The following SLC39A9 variants were observed in gnomAD, a reference collection of about 807,000 sequenced individuals.
SLC39A9 encodes the protein solute carrier family 39 member 9.
Under a neutral mutation model 28.4 loss-of-function variants are expected in SLC39A9, and 14 were observed. The observed-to-expected ratio is 0.49, with a 90% CI of 0.33 to 0.77. The LOEUF (loss-of-function observed/expected upper bound fraction) is 0.77, where lower values mean the gene tolerates loss of function less well. SLC39A9 is among the 30% of genes least tolerant of loss of function. The pLI, the probability that SLC39A9 is intolerant of heterozygous loss-of-function variation, is 0.02. For missense variants in SLC39A9, 283 were observed against 381.1 expected (o/e 0.74, Z 2.14); for synonymous variants, 119 against 149.6 (o/e 0.80, Z 1.49).
intron 3 of SLC39A9, among the ~76,000 whole-genome samples, chr14:69,444,436 G>A (rs547313233): frequency 6.6e-6 from 1 of 152,176 alleles, no homozygotes; most frequent in South Asian, 2.1e-4. Flanking sequence ...AATTTCACTT[G>A]AATACAAGTC....
At chr14:69,442,287 C>T in intron 3 of SLC39A9, 21 bp downstream of exon 3, 1 of 1,606,674 alleles carries the variant, frequency 6.2e-7, no homozygotes, top group Non-Finnish European at 8.5e-7. Context: ...CCAAGGCTTT[C>T]TGGGCAGTGC....
chr14:69,428,598 A>C (rs1053783785), intron 2 of SLC39A9: 4 of 152,662 alleles, frequency 2.6e-5, no homozygotes, highest in African/African-American at 9.7e-5. Context: ...GCTGCAGACA[A>C]GAGCAGAACT....
At chr14:69,414,876 C>T (rs188687783) in intron 1 of SLC39A9, among the ~76,000 whole-genome samples, 230 of 152,266 alleles carry the variant, frequency 1.5e-3, no homozygotes, top group African/African-American at 5.3e-3. Context: ...TGTTTTTAAA[C>T]TTCATATACA....
At chr14:69,436,485 A>T (rs1277761223) in intron 2 of SLC39A9, among the ~76,000 whole-genome samples, 1 of 152,146 alleles carries the variant, frequency 6.6e-6, no homozygotes, top group Non-Finnish European at 1.5e-5. Flanking sequence ...AAATCTCTGG[A>T]GAATGTTTAT....
In SLC39A9 at chr14:69,458,849, A is replaced by T. The variant is rs1283614617; in HGVS notation, c.*256A>T. The T allele has an allele frequency of 8.2e-7, 1 of 1,226,728 alleles. No homozygotes were observed. The highest frequency in any genetic ancestry group is 1.0e-6 in the Non-Finnish European group (1 of 981,086). The allele number at this position is 1,226,728 out of a possible 1,614,324, so 76.0% of individuals were successfully genotyped here. A position where few individuals can be genotyped will look rare whatever the true frequency, so the allele number is the denominator to read the frequency against. On this transcript the variant is annotated 3_prime_UTR_variant, in exon 7 of 7. Transcript: ENST00000336643. Reference sequence around the variant, plus strand: ...AAGGCCCTTGACATTTTGCGTTTTAATATTTCTCTTAACCCTATTCTCAGG... The same window carrying T: ...AAGGCCCTTGACATTTTGCGTTTTATTATTTCTCTTAACCCTATTCTCAGG...
intron 1 of SLC39A9, among the ~76,000 whole-genome samples, chr14:69,415,522 C>T (rs1883521129): frequency 6.6e-6 from 1 of 151,994 alleles, no homozygotes; most frequent in South Asian, 2.1e-4. Flanking sequence ...AATACAAATC[C>T]TTTGTCAGCG....
At chr14:69,426,559 A>C (rs1194634170) in intron 2 of SLC39A9, among the ~76,000 whole-genome samples, 1 of 152,116 alleles carries the variant, frequency 6.6e-6, no homozygotes, top group Admixed American at 6.5e-5. Flanking sequence ...CAGCCTTCAT[A>C]TATGTTCAGC....
In SLC39A9 at chr14:69,424,110, T is replaced by C. The variant is rs1884055996; in HGVS notation, c.113T>C (p.Val38Ala). 1 of 1,613,840 alleles carries C rather than the reference T, an allele frequency of 6.2e-7. No individual in the cohort carries two copies. The highest frequency in any genetic ancestry group is 2.2e-5 in the East Asian group (1 of 44,856). ...TCTCCCCAGGAACGACTGAAGCTGG[T>C]GACTGTTTTGGGTGCTGGCCTTCTC... ...VNFSEERLKL[V>A]TVLGAGLLCG... Residue 38 changes from valine to alanine, a missense_variant, in exon 2 of 7, where the codon GTG becomes GCG. Val to Ala is a moderately conservative substitution (Grantham distance 64, BLOSUM62 0). Transcript: ENST00000336643.
At chr14:69,419,130 G>T (rs544501278) in intron 1 of SLC39A9, among the ~76,000 whole-genome samples, 1 of 152,024 alleles carries the variant, frequency 6.6e-6, no homozygotes, top group Admixed American at 6.6e-5. Flanking sequence ...TTTCTCTTGT[G>T]GGCATTTAGT....
chr14:69,458,937 A>G lies in SLC39A9; in HGVS notation c.*344A>G. 9.7e-7 allele frequency: 1 copy of G among 1,030,068 alleles called. No individual in the cohort carries two copies. Among genetic ancestry groups the G allele is most frequent in the African/African-American group, 1.7e-5 (1 of 59,224 alleles). The allele number at this position is 1,030,068 out of a possible 1,614,324, so 63.8% of individuals were successfully genotyped here. A position where few individuals can be genotyped will look rare whatever the true frequency, so the allele number is the denominator to read the frequency against. On this transcript the variant is annotated 3_prime_UTR_variant, in exon 7 of 7. Transcript: ENST00000336643. ...TCATACTCACAATGAAATAGTGATT[A>G]TGAAAATACAGTGTTCTGTAATTAA...
At chr14:69,450,149 A>G (rs1314078255) in intron 3 of SLC39A9, among the ~76,000 whole-genome samples, 1 of 152,058 alleles carries the variant, frequency 6.6e-6, no homozygotes, top group East Asian at 1.9e-4. Context: ...AGATCACGCC[A>G]CTGCGCTCCA....
Position 69,461,111 on chromosome 14 carries a change from T to C in SLC39A9, c.*2518T>C. 4 of 986,886 alleles carry C rather than the reference T, an allele frequency of 4.1e-6. No individual in the cohort carries two copies. The highest frequency in any genetic ancestry group is 4.8e-6 in the Non-Finnish European group (4 of 830,922). 61.1% of individuals were successfully genotyped at this position (986,886 alleles called of 1,614,324 possible). A position where few individuals can be genotyped will look rare whatever the true frequency, so the allele number is the denominator to read the frequency against. On this transcript the variant is annotated 3_prime_UTR_variant, in exon 7 of 7. Transcript: ENST00000336643. Reference sequence around the variant, plus strand: ...ACACATTTGAAAACATTGGCAATACTTAAGTTGCTGCCATGATTACAGATG... The same window carrying C: ...ACACATTTGAAAACATTGGCAATACCTAAGTTGCTGCCATGATTACAGATG...
chr14:69,434,483 T>A (rs1421469167), intron 2 of SLC39A9, among the ~76,000 whole-genome samples: 1 of 151,916 alleles, frequency 6.6e-6, no homozygotes, highest in Non-Finnish European at 1.5e-5. Context: ...ACCAGGAGTT[T>A]GAGATTAACC....
At chr14:69,451,981 G>A (rs188368111) in intron 3 of SLC39A9, among the ~76,000 whole-genome samples, 3 of 152,180 alleles carry the variant, frequency 2.0e-5, no homozygotes, top group Admixed American at 1.3e-4. Context: ...CTCCCAGACT[G>A]CTGAGATTAC....
At chr14:69,438,987 T>C (rs1240141503) in intron 2 of SLC39A9, among the ~76,000 whole-genome samples, 1 of 152,152 alleles carries the variant, frequency 6.6e-6, no homozygotes, top group Non-Finnish European at 1.5e-5. Context: ...AAGGAAGAAG[T>C]AAAGTTGTCT....
chr14:69,413,476 G>T (rs1439537312), intron 1 of SLC39A9, among the ~76,000 whole-genome samples: 1 of 151,878 alleles, frequency 6.6e-6, no homozygotes, highest in Non-Finnish European at 1.5e-5. Context: ...TTAAAAGAAA[G>T]GACATTATAA....
intron 2 of SLC39A9, among the ~76,000 whole-genome samples, chr14:69,437,502 C>A (rs760593158): frequency 7.2e-5 from 11 of 152,096 alleles, no homozygotes; most frequent in Admixed American, 2.0e-4. Flanking sequence ...CGTCAAAATG[C>A]TCTTACTGTA....
intron 1 of SLC39A9, among the ~76,000 whole-genome samples, chr14:69,423,535 A>G (rs1412350754): frequency 2.0e-5 from 3 of 152,202 alleles, no homozygotes; most frequent in East Asian, 1.9e-4. Context: ...CCAGTATTAA[A>G]GTGTACTCAT....
At chr14:69,457,425 A>C (rs1885922267) in intron 6 of SLC39A9, among the ~76,000 whole-genome samples, 1 of 150,740 alleles carries the variant, frequency 6.6e-6, no homozygotes, top group African/African-American at 2.4e-5. Context: ...CTGGTCTCGA[A>C]CTCCTGACCT....
Sources: gnomAD v4.1 joint callset for allele counts (sites outside exome capture counted in the v4.1 genomes callset) on GRCh38, gnomAD v4.1.1 for gene constraint, MANE v1.5 for transcripts, NCBI Gene and HGNC (gene_info 2026-07-23, HGNC 2026-07-21) for gene names.